STXBP5: variants seen among roughly 807,000 people sequenced by gnomAD.
STXBP5 encodes the protein syntaxin-binding protein 5.
In STXBP5, 50 loss-of-function variants were observed where a neutral mutation model predicts 152.4. The ratio of observed to expected loss-of-function variants is 0.33; its 90% confidence interval spans 0.26 to 0.42. The LOEUF (loss-of-function observed/expected upper bound fraction) is 0.42, where lower values mean the gene tolerates loss of function less well. STXBP5 is among the 10% of genes least tolerant of loss of function. STXBP5 has a pLI of 1.00. For synonymous variants in STXBP5, 492 were observed against 494.7 expected, an observed-to-expected ratio of 0.99 and a Z score of 0.07; for missense variants, 1,167 against 1,388.6, an observed-to-expected ratio of 0.84 and a Z score of 2.54.
At chr6:147,250,648 G>T (rs1779039211) in intron 4 of STXBP5, among the ~76,000 whole-genome samples, 1 of 152,102 alleles carries the variant, frequency 6.6e-6, no homozygotes, top group Non-Finnish European at 1.5e-5. Flanking sequence ...ACCTCTGCAT[G>T]CTGGGTGTGT....
At chr6:147,292,154 A>G (rs1401506243) in intron 9 of STXBP5, 8 of 398,682 alleles carry the variant, frequency 2.0e-5, no homozygotes, top group Admixed American at 6.2e-5. Flanking sequence ...TCACTTTTTA[A>G]TCTCCCCTCC....
At chr6:147,333,269 C>T (rs1246803135) in intron 18 of STXBP5, among the ~76,000 whole-genome samples, 1 of 152,106 alleles carries the variant, frequency 6.6e-6, no homozygotes, top group Non-Finnish European at 1.5e-5. Context: ...CACCTGTAAT[C>T]CCAGCACTTT....
intron 7 of STXBP5, 44 bp from the exon 8 acceptor site, chr6:147,278,037 T>A: frequency 6.6e-7 from 1 of 1,519,818 alleles, no homozygotes; most frequent in South Asian, 1.2e-5. Context: ...AATAGTTTAC[T>A]GTTTAAATAG....
At chr6:147,329,773 C>T (rs1334223053) in intron 18 of STXBP5, among the ~76,000 whole-genome samples, 2 of 151,816 alleles carry the variant, frequency 1.3e-5, no homozygotes, top group Non-Finnish European at 2.9e-5. Context: ...CTACAGGCGC[C>T]CGCTACCGCA....
chr6:147,355,421 C>T (rs1784772159), intron 22 of STXBP5, among the ~76,000 whole-genome samples: 2 of 152,042 alleles, frequency 1.3e-5, no homozygotes, highest in African/African-American at 4.8e-5. Flanking sequence ...GTATCAGGTG[C>T]AGCTGGATGG....
At chr6:147,346,884 G>C (rs1236309663) in intron 21 of STXBP5, among the ~76,000 whole-genome samples, 1 of 152,272 alleles carries the variant, frequency 6.6e-6, no homozygotes, top group Non-Finnish European at 1.5e-5. Context: ...TTCCAGGACT[G>C]TCATCCTTGA....
intron 2 of STXBP5, among the ~76,000 whole-genome samples, chr6:147,230,471 G>A (rs574124383): frequency 6.6e-6 from 1 of 151,820 alleles, no homozygotes; most frequent in East Asian, 1.9e-4. Flanking sequence ...CTATCTAATT[G>A]GTGTATGATG....
intron 8 of STXBP5, among the ~76,000 whole-genome samples, chr6:147,290,831 A>G (rs1781241878): frequency 1.3e-5 from 2 of 152,220 alleles, no homozygotes; most frequent in Non-Finnish European, 2.9e-5. Context: ...AAAAACTATC[A>G]GTTTCTCCTG....
intron 1 of STXBP5, 67 bp from the exon 2 acceptor site, chr6:147,205,904 A>C: frequency 8.1e-7 from 1 of 1,241,802 alleles, no homozygotes; most frequent in South Asian, 1.2e-5. Context: ...TAACGCCTCT[A>C]TTGACTTTCT....
Position 147,314,302 on chromosome 6 carries a change from T to C in STXBP5, c.1332T>C (p.Ala444=). The part of the protein sequence containing the change: ...PINGGNWGLG[A]QSYPEIIITG... Reference sequence around the variant, plus strand: ...ACGGAGGTAATTGGGGCTTGGGTGCTCAAAGTTACCCAGAAATAATTATTA... The same window carrying C: ...ACGGAGGTAATTGGGGCTTGGGTGCCCAAAGTTACCCAGAAATAATTATTA... Residue 444 remains alanine (A), a synonymous_variant, in exon 13 of 28, where the codon GCT becomes GCC. Transcript: ENST00000321680. The C allele has an allele frequency of 6.2e-7, 1 of 1,612,792 alleles. No individual in the cohort carries two copies. Among genetic ancestry groups the C allele is most frequent in the Non-Finnish European group, 8.5e-7 (1 of 1,178,940 alleles).
intron 16 of STXBP5, among the ~76,000 whole-genome samples, chr6:147,321,139 A>G (rs1782916720): frequency 6.6e-6 from 1 of 152,130 alleles, no homozygotes; most frequent in Non-Finnish European, 1.5e-5. Flanking sequence ...AACAACTTAT[A>G]CCTCATTTTT....
chr6:147,236,978 G>C (rs1191705930), intron 3 of STXBP5, among the ~76,000 whole-genome samples: 1 of 151,828 alleles, frequency 6.6e-6, no homozygotes, highest in Non-Finnish European at 1.5e-5. Context: ...GGGTTTCACT[G>C]TGTTGGCCAG....
intron 15 of STXBP5, 32 bp downstream of exon 15, chr6:147,315,767 G>A (rs766620734): frequency 8.9e-6 from 14 of 1,575,108 alleles, no homozygotes; most frequent in South Asian, 2.3e-5. Flanking sequence ...TCATGGTCAA[G>A]TTATTTTCAT....
chr6:147,251,546 C>T (rs888241265), intron 4 of STXBP5, among the ~76,000 whole-genome samples: 4 of 152,198 alleles, frequency 2.6e-5, no homozygotes, highest in Non-Finnish European at 5.9e-5. Context: ...CTAGATTTCT[C>T]CTCTCTGGGC....
At chr6:147,325,834 C>G (rs1434069735) in intron 17 of STXBP5, among the ~76,000 whole-genome samples, 2 of 152,006 alleles carry the variant, frequency 1.3e-5, no homozygotes, top group Non-Finnish European at 2.9e-5. Context: ...AGTTAGCCCT[C>G]TGTATCCACG....
chr6:147,260,910 C>T (rs563805806), intron 5 of STXBP5, among the ~76,000 whole-genome samples, 161 bp downstream of exon 5: 1 of 152,120 alleles, frequency 6.6e-6, no homozygotes, highest in South Asian at 2.1e-4. Context: ...AGTATTTTGA[C>T]ATGGCAATTT....
At chr6:147,344,398 A>C (rs949649490) in intron 21 of STXBP5, among the ~76,000 whole-genome samples, 1 of 152,238 alleles carries the variant, frequency 6.6e-6, no homozygotes, top group Non-Finnish European at 1.5e-5. Context: ...ACAAAACTAT[A>C]AATGTGGCAA....
chr6:147,351,632 T>G (rs1784593993), intron 21 of STXBP5, among the ~76,000 whole-genome samples: 1 of 152,216 alleles, frequency 6.6e-6, no homozygotes, highest in Admixed American at 6.5e-5. Context: ...AGTTTTGTAT[T>G]GCATTTTCTT....
intron 10 of STXBP5, among the ~76,000 whole-genome samples, chr6:147,310,877 TA>T (rs1426562805): frequency 6.6e-5 from 10 of 152,234 alleles, no homozygotes; most frequent in East Asian, 5.8e-4. Context: ...TATATATGTA[TA>T]TTTTTTTTTC....
Sources: allele counts gnomAD v4.1 joint callset (sites outside exome capture counted in the v4.1 genomes callset), GRCh38; gene constraint gnomAD v4.1.1; transcripts MANE v1.5; gene names NCBI Gene and HGNC (gene_info 2026-07-23, HGNC 2026-07-21).